KLHL29: variants seen among roughly 807,000 people sequenced by gnomAD.
KLHL29 encodes kelch-like protein 29.
A neutral mutation model predicts 80.4 loss-of-function variants in KLHL29; 21 were observed. The ratio of observed to expected loss-of-function variants is 0.26; its 90% CI spans 0.19 to 0.38. KLHL29 has a LOEUF of 0.38. Among genes scored for constraint, KLHL29 ranks in the 10% least tolerant of loss-of-function variants. KLHL29 has a pLI of 1.00. For synonymous variants in KLHL29, 511 were observed against 526.8 expected (o/e 0.97, Z 0.41); for missense variants, 867 against 1,223.9 (o/e 0.71, Z 4.35).
At chr2:23,645,809 T>C (rs567388371) in intron 5 of KLHL29, among the ~76,000 whole-genome samples, 1 of 152,348 alleles carries the variant, frequency 6.6e-6, no homozygotes, top group Admixed American at 6.5e-5. Context: ...AAAAGGGCGT[T>C]GGGACTTTAA....
intron 4 of KLHL29, among the ~76,000 whole-genome samples, chr2:23,639,734 A>G (rs1669715009): frequency 6.6e-6 from 1 of 152,062 alleles, no homozygotes; most frequent in African/African-American, 2.4e-5. Flanking sequence ...CTCCAGCCAT[A>G]ATGAATGCCC....
chr2:23,574,771 G>A (rs1667801571), intron 3 of KLHL29, among the ~76,000 whole-genome samples: 1 of 152,188 alleles, frequency 6.6e-6, no homozygotes, highest in Non-Finnish European at 1.5e-5. Context: ...TACCCACCAT[G>A]GGAAGAGAGA....
At chr2:23,470,014 CAAA>C (rs11317777) in intron 1 of KLHL29, among the ~76,000 whole-genome samples, 2 of 128,594 alleles carry the variant, frequency 1.6e-5, no homozygotes, top group Non-Finnish European at 1.7e-5. Flanking sequence ...TGCTGTGTAT[CAAA>C]AAAAAAAAAA....
chr2:23,471,696 C>A (rs189990670), intron 1 of KLHL29, among the ~76,000 whole-genome samples: 1 of 152,198 alleles, frequency 6.6e-6, no homozygotes, highest in Admixed American at 6.5e-5. Flanking sequence ...CTGTAGGCTG[C>A]CGTTTGATGA....
chr2:23,605,070 G>A (rs1558405563), intron 3 of KLHL29, among the ~76,000 whole-genome samples: 1 of 151,794 alleles, frequency 6.6e-6, no homozygotes, highest in Non-Finnish European at 1.5e-5. Flanking sequence ...CTCAGCCACT[G>A]GGAGGGCAGC....
chr2:23,582,624 C>T (rs547358764), intron 3 of KLHL29, among the ~76,000 whole-genome samples: 1 of 152,260 alleles, frequency 6.6e-6, no homozygotes, highest in East Asian at 1.9e-4. Flanking sequence ...TGTGTTCCAA[C>T]CCTGTTCTTG....
At chr2:23,564,473 C>T (rs1466728005) in intron 3 of KLHL29, among the ~76,000 whole-genome samples, 1 of 152,234 alleles carries the variant, frequency 6.6e-6, no homozygotes, top group Non-Finnish European at 1.5e-5. Context: ...TCCAGCCCGG[C>T]CTGTTTCCTG....
At chr2:23,579,639 G>C (rs899587701) in intron 3 of KLHL29, among the ~76,000 whole-genome samples, 1 of 152,092 alleles carries the variant, frequency 6.6e-6, no homozygotes, top group Non-Finnish European at 1.5e-5. Context: ...TCACTTGAGG[G>C]GACAGAAATT....
chr2:23,446,093 C>T (rs756420537), intron 1 of KLHL29, among the ~76,000 whole-genome samples: 1 of 151,950 alleles, frequency 6.6e-6, no homozygotes, highest in East Asian at 1.9e-4. Flanking sequence ...TATTTCAAAT[C>T]GTAATCAGAA....
chr2:23,524,225 G>A (rs1432831898), intron 2 of KLHL29: 14 of 303,758 alleles, frequency 4.6e-5, no homozygotes, highest in Non-Finnish European at 9.5e-5. Context: ...CCAAGTGCCC[G>A]GCTCCTCATC....
chr2:23,497,783 G>A (rs1665312413), intron 2 of KLHL29, among the ~76,000 whole-genome samples: 1 of 152,222 alleles, frequency 6.6e-6, no homozygotes, highest in Admixed American at 6.5e-5. Flanking sequence ...GAGGGGCACT[G>A]AGCTGTGAGC....
chr2:23,644,371 G>A (rs1258529000), intron 5 of KLHL29: 1 of 152,108 alleles, frequency 6.6e-6, no homozygotes, highest in Non-Finnish European at 1.5e-5. Context: ...CCAAGGCTAT[G>A]CCAAAGCCCA....
In KLHL29 at chr2:23,562,466, T is replaced by A. The variant is rs769175774; in HGVS notation, c.270T>A (p.Ser90=). 1 of 1,536,104 alleles carries A rather than the reference T, an allele frequency of 6.5e-7. No individual in the cohort carries two copies. Among genetic ancestry groups the A allele is most frequent in the South Asian group, 1.2e-5 (1 of 84,040 alleles). The change falls in exon 3 of 14, where the codon TCT becomes TCA. Residue 90 remains serine (S), a synonymous_variant. Coordinates refer to ENST00000486442, the MANE Select transcript of KLHL29 (RefSeq NM_052920.2). This position sits in a 1 kb window ranked among gnomAD's most constrained non-coding sequence, Gnocchi z 4.5. The part of the protein sequence containing the change: ...AITSLVASSA[S]AVTTKAPGIS... ...CCAGCCTCGTGGCCAGCTCTGCGTC[T>A]GCGGTCACCACCAAGGTAAGATGTG...
intron 1 of KLHL29, among the ~76,000 whole-genome samples, chr2:23,463,114 G>C (rs919785668): frequency 9.5e-5 from 14 of 147,146 alleles, no homozygotes; most frequent in Admixed American, 6.1e-4. Context: ...TCACTAGAGT[G>C]ACTTTTTGAG....
chr2:23,650,479 G>A (rs72792051), intron 5 of KLHL29, among the ~76,000 whole-genome samples: 13,876 of 152,252 alleles, frequency 0.091, 726 homozygotes, highest in East Asian at 0.15. Context: ...CGCCAAGCCC[G>A]GGGAGCCTGC....
chr2:23,429,603 A>C (rs1480962391), intron 1 of KLHL29, among the ~76,000 whole-genome samples: 1 of 152,250 alleles, frequency 6.6e-6, no homozygotes, highest in African/African-American at 2.4e-5. Flanking sequence ...AAATACAAAA[A>C]TTAGCCAGGC....
intron 2 of KLHL29, among the ~76,000 whole-genome samples, chr2:23,492,600 A>G (rs1665136379): frequency 6.6e-6 from 1 of 152,230 alleles, no homozygotes; most frequent in Non-Finnish European, 1.5e-5. Context: ...TGCAATGGGA[A>G]GTAAGGGAAT....
At chr2:23,652,946 C>T (rs950188573) in intron 5 of KLHL29, among the ~76,000 whole-genome samples, 2 of 152,148 alleles carry the variant, frequency 1.3e-5, no homozygotes, top group Non-Finnish European at 2.9e-5. Context: ...AACTTGGGAG[C>T]AAGCGAACTT....
At chr2:23,569,445 A>G (rs1667664447) in intron 3 of KLHL29, among the ~76,000 whole-genome samples, 1 of 152,208 alleles carries the variant, frequency 6.6e-6, no homozygotes, top group African/African-American at 2.4e-5. Context: ...CTCAAGATGA[A>G]CATAAATCTA....
Sources: allele counts gnomAD v4.1 joint callset (sites outside exome capture counted in the v4.1 genomes callset), GRCh38; gene constraint gnomAD v4.1.1; non-coding constraint Gnocchi (gnomAD v3.1); transcripts MANE v1.5; gene names NCBI Gene and HGNC (gene_info 2026-07-23, HGNC 2026-07-21).